The following PKHD1L1 variants were observed in gnomAD, a reference collection of about 807,000 sequenced individuals.
PKHD1L1 encodes fibrocystin-L.
Under a neutral mutation model 462.9 loss-of-function variants are expected in PKHD1L1, and 434 were observed. That is an observed-to-expected ratio of 0.94 (90% confidence interval 0.87 to 1.02). PKHD1L1 has a LOEUF of 1.02. Ranked by LOEUF, PKHD1L1 falls within the 50% of genes least tolerant of loss-of-function variation. The pLI, the probability that PKHD1L1 is intolerant of heterozygous loss-of-function variation, is 0.00. For synonymous variants in PKHD1L1, 1,781 were observed against 1,750.0 expected, an observed-to-expected ratio of 1.02 and a Z score of -0.44; for missense variants, 5,202 against 5,096.1, an observed-to-expected ratio of 1.02 and a Z score of -0.63.
At chr8:109,376,074 G>C (rs1811806894) in intron 2 of PKHD1L1, among the ~76,000 whole-genome samples, 1 of 152,252 alleles carries the variant, frequency 6.6e-6, no homozygotes, top group Non-Finnish European at 1.5e-5. Flanking sequence ...GCTGCCTTTT[G>C]TTTGTCTGTG....
chr8:109,380,284 G>A (rs1219889248), intron 2 of PKHD1L1, among the ~76,000 whole-genome samples: 1 of 151,778 alleles, frequency 6.6e-6, no homozygotes, highest in Non-Finnish European at 1.5e-5. Context: ...ACTTGGTGAT[G>A]GATTGTGCTT....
At chr8:109,504,540 T>A in intron 68 of PKHD1L1, 48 bp downstream of exon 68, 1 of 1,152,370 alleles carries the variant, frequency 8.7e-7, no homozygotes, top group Non-Finnish European at 1.2e-6. Flanking sequence ...AGTTTTTCAT[T>A]CTCACTTCCT....
chr8:109,411,693 T>C (rs1437554375), intron 19 of PKHD1L1, among the ~76,000 whole-genome samples: 1 of 152,152 alleles, frequency 6.6e-6, no homozygotes, highest in African/African-American at 2.4e-5. Context: ...CTGAAGCCCC[T>C]ACTTTCTTTT....
chr8:109,387,102 T>G (rs1812482211), intron 6 of PKHD1L1, among the ~76,000 whole-genome samples: 1 of 152,164 alleles, frequency 6.6e-6, no homozygotes, highest in South Asian at 2.1e-4. Context: ...GGCAATTTAT[T>G]ATGCCTGGAT....
In PKHD1L1 at chr8:109,507,681, T is replaced by C; in HGVS notation, c.11013T>C (p.Asp3671=). 6.2e-7 allele frequency: 1 copy of C among 1,613,138 alleles called. No individual in the cohort carries two copies. The highest frequency in any genetic ancestry group is 1.7e-4 in the Middle Eastern group (1 of 6,054). ...RPDISKVNPS[D]CVDMVCDAKR... ...TCCACAGTAAGGTCAATCCATCTGATTGTGTAGACATGGTTTGTGATGCCA... is the reference window on the plus strand; with the variant it reads ...TCCACAGTAAGGTCAATCCATCTGACTGTGTAGACATGGTTTGTGATGCCA... Residue 3671 remains aspartate (D), a synonymous_variant, in exon 69 of 78, where the codon GAT becomes GAC. Coordinates refer to ENST00000378402, the MANE Select transcript of PKHD1L1 (RefSeq NM_177531.6).
Position 109,536,967 on chromosome 8 carries a change from T to A in PKHD1L1, c.*6877T>A, listed in dbSNP as rs77227222. ...TGAGTATTAAAAAAGAAGTTATAAT[T>A]TTCCAGAATATTAATGTTTATTATT... On this transcript the variant is annotated 3_prime_UTR_variant, in exon 78 of 78. Transcript: ENST00000378402. 0.028 allele frequency among the ~76,000 whole-genome samples: 4,207 copies of A among 152,280 alleles called. 190 individuals are homozygous for A. The highest frequency in any genetic ancestry group is 0.097 in the African/African-American group (4,013 of 41,546).
intron 76 of PKHD1L1, 88 bp from the exon 77 acceptor site, chr8:109,526,696 T>C: frequency 8.7e-7 from 1 of 1,146,226 alleles, no homozygotes; most frequent in Non-Finnish European, 1.2e-6. Context: ...TATATAGTGT[T>C]TTTCAGTCAA....
intron 49 of PKHD1L1, 51 bp downstream of exon 49, chr8:109,465,296 G>A (rs374529426): frequency 1.2e-5 from 18 of 1,550,224 alleles, no homozygotes; most frequent in Admixed American, 1.9e-5. Context: ...ATATGTTTGT[G>A]TTAGCACAGA....
chr8:109,378,419 T>C (rs1330578876), intron 2 of PKHD1L1, among the ~76,000 whole-genome samples: 1 of 152,180 alleles, frequency 6.6e-6, no homozygotes, highest in Non-Finnish European at 1.5e-5. Context: ...TCTTCACCCA[T>C]ACTTCTTCAA....
At chr8:109,496,739 A>T (rs555720659) in intron 63 of PKHD1L1, among the ~76,000 whole-genome samples, 180 bp from the exon 64 acceptor site, 1 of 152,364 alleles carries the variant, frequency 6.6e-6, no homozygotes, top group South Asian at 2.1e-4. Flanking sequence ...AAAGAAAAAC[A>T]CTAAATAGAG....
intron 74 of PKHD1L1, 77 bp downstream of exon 74, chr8:109,522,414 G>T: frequency 7.4e-7 from 1 of 1,358,532 alleles, no homozygotes. Context: ...TTAACTCTCT[G>T]TTTCTATTTC....
In PKHD1L1 at chr8:109,534,718, C is replaced by G. The variant is rs1821112055; in HGVS notation, c.*4628C>G. 6.6e-6 allele frequency among the ~76,000 whole-genome samples: 1 copy of G among 152,130 alleles called. No individual in the cohort carries two copies. The highest frequency in any genetic ancestry group is 2.1e-4 in the South Asian group (1 of 4,822). On this transcript the variant is annotated 3_prime_UTR_variant, in exon 78 of 78. Transcript: ENST00000378402. ...GTAAGACCAAATAGGAAAAGTCTGC[C>G]ACAGGGGACACAGTAGGTACTTGAA... is the stretch of plus-strand genomic sequence containing the variant.
At chr8:109,434,560 C>G (rs1815291492) in intron 28 of PKHD1L1, among the ~76,000 whole-genome samples, 1 of 151,972 alleles carries the variant, frequency 6.6e-6, no homozygotes, top group Non-Finnish European at 1.5e-5. Flanking sequence ...CCTCTGCCTC[C>G]CAGGTTCAAG....
chr8:109,378,010 C>T (rs544934094), intron 2 of PKHD1L1, among the ~76,000 whole-genome samples: 2 of 152,092 alleles, frequency 1.3e-5, no homozygotes, highest in South Asian at 4.2e-4. Flanking sequence ...TTAGATATCC[C>T]GTCAGCATGC....
chr8:109,398,351 C>G, intron 11 of PKHD1L1, 108 bp from the exon 12 acceptor site: 2 of 691,976 alleles, frequency 2.9e-6, no homozygotes, highest in Non-Finnish European at 5.1e-6. Flanking sequence ...AATTTTGCCT[C>G]TTGTTTATGC....
intron 41 of PKHD1L1, among the ~76,000 whole-genome samples, chr8:109,451,837 G>A (rs917228344): frequency 6.6e-6 from 1 of 152,116 alleles, no homozygotes; most frequent in African/African-American, 2.4e-5. Context: ...CCTGTTGGGA[G>A]ATCAACATAG....
intron 74 of PKHD1L1, among the ~76,000 whole-genome samples, chr8:109,522,539 T>G (rs534417071): frequency 6.6e-6 from 1 of 152,348 alleles, no homozygotes; most frequent in African/African-American, 2.4e-5. Flanking sequence ...AAGTTGTGTA[T>G]TGGTTATAAA....
chr8:109,400,849 T>C (rs1813236746), intron 13 of PKHD1L1, among the ~76,000 whole-genome samples: 1 of 152,106 alleles, frequency 6.6e-6, no homozygotes, highest in South Asian at 2.1e-4. Context: ...CTTTTCTGTA[T>C]TTGGGGTTAC....
chr8:109,429,607 A>T (rs961988988), intron 26 of PKHD1L1, 145 bp downstream of exon 26: 6 of 872,962 alleles, frequency 6.9e-6, no homozygotes, highest in Non-Finnish European at 1.0e-5. Flanking sequence ...ACTTGATAAT[A>T]TTATTTTATG....
Sources: gnomAD v4.1 joint callset for allele counts (sites outside exome capture counted in the v4.1 genomes callset) on GRCh38, gnomAD v4.1.1 for gene constraint, MANE v1.5 for transcripts, NCBI Gene and HGNC (gene_info 2026-07-23, HGNC 2026-07-21) for gene names.